The following LSAMP variants were observed in gnomAD, a reference collection of about 807,000 sequenced individuals.
LSAMP encodes limbic system-associated membrane protein.
Under a neutral mutation model 38.6 loss-of-function variants are expected in LSAMP, and 7 were observed. The observed-to-expected ratio is 0.18, with a 90% CI of 0.10 to 0.34. LSAMP has a LOEUF of 0.34. LSAMP is among the 10% of genes least tolerant of loss of function. The pLI is 1.00. For missense variants in LSAMP, 313 were observed against 420.0 expected, an observed-to-expected ratio of 0.75 and a Z score of 2.23; for synonymous variants, 154 against 166.8, an observed-to-expected ratio of 0.92 and a Z score of 0.59.
At chr3:115,810,508 T>G in intron 6 of LSAMP, 94 bp from the exon 7 acceptor site, 1 of 855,838 alleles carries the variant, frequency 1.2e-6, no homozygotes, top group Non-Finnish European at 1.9e-6. Context: ...AGGTAAGACC[T>G]GGCCAGGTAC....
chr3:116,114,744 C>T (rs578037359), intron 1 of LSAMP, among the ~76,000 whole-genome samples: 4 of 152,188 alleles, frequency 2.6e-5, no homozygotes, highest in South Asian at 4.2e-4. Context: ...AAAGTGAATC[C>T]CTTGGGTAGA....
rs190344103 is a variant in LSAMP, at chr3:115,880,492, T to A, written c.515-27875A>T. Among the ~76,000 whole-genome samples, 15 of 152,270 alleles carry A rather than the reference T, an allele frequency of 9.9e-5. No homozygotes were observed. In the East Asian group the frequency reaches 1.5e-3, roughly 16 times the overall value. On this transcript the variant is annotated intron_variant, in intron 3 of 6. Transcript: ENST00000490035. Reference sequence around the variant, plus strand: ...AATATAAATATTTGACAACCAAATTTTCCTCTTGAGATGCTCTTGAAAACA... The same window carrying A: ...AATATAAATATTTGACAACCAAATTATCCTCTTGAGATGCTCTTGAAAACA...
chr3:116,419,023 C>T (rs917988430), intron 1 of LSAMP, among the ~76,000 whole-genome samples: 4 of 152,186 alleles, frequency 2.6e-5, no homozygotes, highest in African/African-American at 9.7e-5. Flanking sequence ...CCATCATAGG[C>T]AAACTGTTAC....
intron 1 of LSAMP, among the ~76,000 whole-genome samples, chr3:116,308,870 G>C (rs1302432043): frequency 6.6e-6 from 1 of 152,040 alleles, no homozygotes; most frequent in Non-Finnish European, 1.5e-5. Flanking sequence ...ACAAACGTAA[G>C]ATATCATCAT....
intron 3 of LSAMP, among the ~76,000 whole-genome samples, chr3:115,925,176 A>G (rs1042415001): frequency 1.3e-5 from 2 of 151,878 alleles, no homozygotes; most frequent in African/African-American, 4.8e-5. Flanking sequence ...ATTTTTGGAG[A>G]GTGTAGAGGG....
intron 4 of LSAMP, among the ~76,000 whole-genome samples, chr3:115,851,368 T>C (rs567562104): frequency 6.6e-6 from 1 of 152,320 alleles, no homozygotes; most frequent in Admixed American, 6.5e-5. Flanking sequence ...TAGAATCAAA[T>C]GGACCTGAGT....
At chr3:116,070,637 TGAG>T in intron 2 of LSAMP, among the ~76,000 whole-genome samples, 1 of 152,348 alleles carries the variant, frequency 6.6e-6, no homozygotes, top group South Asian at 2.1e-4. Flanking sequence ...TTACTTGAGT[TGAG>T]GAGATTGACA....
rs1435743236 is a variant in LSAMP at position 116,185,045 on chromosome 3, T to TTC, written c.156-98490_156-98489insGA. Among the ~76,000 whole-genome samples the TTC allele has an allele frequency of 1.6e-3, 243 of 147,486 alleles. 3 individuals are homozygous for TTC. Among genetic ancestry groups the TTC allele is most frequent in the African/African-American group, 5.5e-3 (222 of 40,544 alleles). ...TTCTTTCTTTCTTTTTTTTTTTTTT[T>TTC]CAGTTCTCACATTTTGGCACAGTTT... On this transcript the variant is annotated intron_variant, in intron 1 of 6. Coordinates refer to ENST00000490035, the MANE Select transcript of LSAMP (RefSeq NM_002338.5).
At chr3:116,265,939 A>C (rs1172498723) in intron 1 of LSAMP, among the ~76,000 whole-genome samples, 4 of 130,650 alleles carry the variant, frequency 3.1e-5, no homozygotes, top group Admixed American at 8.4e-5. Context: ...TTTTATCTTT[A>C]GTTTAAAAAG....
At chr3:116,181,982 G>A (rs573125168) in intron 1 of LSAMP, among the ~76,000 whole-genome samples, 6 of 151,980 alleles carry the variant, frequency 3.9e-5, no homozygotes, top group Non-Finnish European at 8.8e-5. Context: ...GAACAGTCAT[G>A]GAAGAAAACT....
rs7629454 is a variant in LSAMP, at chr3:116,395,535, T to A, written c.155+49342A>T. 2.7e-3 allele frequency among the ~76,000 whole-genome samples: 411 copies of A among 152,294 alleles called. 1 individual carries two copies. Among genetic ancestry groups the A allele is most frequent in the African/African-American group, 9.6e-3 (398 of 41,558 alleles). Reference sequence around the variant, plus strand: ...GCAGATAGAAATTACACAAAGCTCATAAGCCACATTGGAGATCTTAACTAC... The same window carrying A: ...GCAGATAGAAATTACACAAAGCTCAAAAGCCACATTGGAGATCTTAACTAC... On this transcript the variant is annotated intron_variant, in intron 1 of 6. Coordinates refer to ENST00000490035, the MANE Select transcript of LSAMP (RefSeq NM_002338.5).
chr3:116,091,470 A>AT (rs573315613), intron 1 of LSAMP, among the ~76,000 whole-genome samples: 27 of 152,350 alleles, frequency 1.8e-4, no homozygotes, highest in Admixed American at 9.8e-4. Context: ...TGGGGAAGTG[A>AT]GAAGTGTCCA....
intron 1 of LSAMP, among the ~76,000 whole-genome samples, chr3:116,189,827 G>A (rs948470265): frequency 7.9e-5 from 12 of 151,980 alleles, no homozygotes; most frequent in Non-Finnish European, 1.8e-4. Flanking sequence ...TACAAGAGTG[G>A]GAACACAAAT....
At chr3:116,009,161 A>G (rs372184183) in intron 3 of LSAMP, among the ~76,000 whole-genome samples, 1 of 152,168 alleles carries the variant, frequency 6.6e-6, no homozygotes, top group East Asian at 1.9e-4. Flanking sequence ...ACATTGTGGG[A>G]CTTACCTAGG....
At chr3:116,182,949 G>A (rs1710521633) in intron 1 of LSAMP, among the ~76,000 whole-genome samples, 1 of 151,776 alleles carries the variant, frequency 6.6e-6, no homozygotes, top group Admixed American at 6.6e-5. Flanking sequence ...AACATGGGGT[G>A]GAGTTGAAGC....
intron 3 of LSAMP, among the ~76,000 whole-genome samples, chr3:116,008,381 TAG>T (rs141837462): frequency 0.025 from 3,858 of 152,316 alleles, 58 homozygotes; most frequent in Middle Eastern, 0.095. Flanking sequence ...TTTACATTTG[TAG>T]AGAGACATAC....
chr3:116,440,425 C>G (rs756335421), intron 1 of LSAMP, among the ~76,000 whole-genome samples: 2 of 152,268 alleles, frequency 1.3e-5, no homozygotes, highest in Non-Finnish European at 2.9e-5. Flanking sequence ...AGTCAGTCAC[C>G]TTTGGTTCTT....
chr3:115,960,291 A>G (rs2107592911), intron 3 of LSAMP, among the ~76,000 whole-genome samples: 1 of 152,350 alleles, frequency 6.6e-6, no homozygotes, highest in South Asian at 2.1e-4. Context: ...ACAACCTACA[A>G]GCCAAGGGAA....
intron 1 of LSAMP, among the ~76,000 whole-genome samples, chr3:116,260,178 T>C (rs2046805921): frequency 6.6e-6 from 1 of 152,096 alleles, no homozygotes; most frequent in South Asian, 2.1e-4. Flanking sequence ...TTCTAATCCT[T>C]TCAATAAGGA....
Sources: gnomAD v4.1 joint callset for allele counts (sites outside exome capture counted in the v4.1 genomes callset) on GRCh38, gnomAD v4.1.1 for gene constraint, MANE v1.5 for transcripts, NCBI Gene and HGNC (gene_info 2026-07-23, HGNC 2026-07-21) for gene names.